CCDC149: variants seen among roughly 807,000 people sequenced by gnomAD.
CCDC149 encodes the protein coiled-coil domain containing 149.
Under a neutral mutation model 59.9 loss-of-function variants are expected in CCDC149, and 45 were observed. The observed-to-expected ratio is 0.75, with a 90% CI of 0.59 to 0.96. CCDC149 has a LOEUF of 0.96. Ranked by LOEUF, CCDC149 falls within the 40% of genes least tolerant of loss-of-function variation. The pLI is 0.00. For missense variants in CCDC149, 584 were observed against 664.7 expected, an observed-to-expected ratio of 0.88 and a Z score of 1.33; for synonymous variants, 245 against 260.6, an observed-to-expected ratio of 0.94 and a Z score of 0.58.
chr4:24,882,424 C>T (rs1428565452), intron 1 of CCDC149, among the ~76,000 whole-genome samples: 1 of 152,170 alleles, frequency 6.6e-6, no homozygotes, highest in East Asian at 1.9e-4. Context: ...TTCTGGGTGC[C>T]TTCTATGTAC....
Position 24,835,016 on chromosome 4 carries a change from C to T in CCDC149, c.752G>A (p.Arg251Gln), listed in dbSNP as rs753945660. ...TTTACCCTGGCCCTTCGAGTTTTTC[C>T]GTCTCTCCAGAGCATTCTAAAACAG... Residue 251 changes from arginine (R) to glutamine (Q), a missense_variant, in exon 8 of 13, where the codon CGG becomes CAG. Arg to Gln is a conservative substitution (Grantham distance 43, BLOSUM62 1). Coordinates refer to ENST00000635206, the MANE Select transcript of CCDC149 (RefSeq NM_001330643.2). The T allele has an allele frequency of 1.1e-5, 17 of 1,613,660 alleles. No individual in the cohort carries two copies. The highest frequency in any genetic ancestry group is 6.7e-5 in the Admixed American group (4 of 59,998).
intron 11 of CCDC149, among the ~76,000 whole-genome samples, chr4:24,820,557 A>G (rs1241836944): frequency 6.6e-6 from 1 of 152,184 alleles, no homozygotes; most frequent in Non-Finnish European, 1.5e-5. Flanking sequence ...AAAATAATGT[A>G]TTGTGTCTTA....
At chr4:24,962,684 G>T (rs1389887013) in intron 1 of CCDC149, among the ~76,000 whole-genome samples, 4 of 151,788 alleles carry the variant, frequency 2.6e-5, no homozygotes, top group Non-Finnish European at 4.4e-5. Context: ...ATTGAATAAT[G>T]AGAACACATG....
At position 24,837,453 on chromosome 4, in the gene CCDC149, A is replaced by G. The variant is rs1181689127; in HGVS notation, c.490-53T>C. 1.3e-6 allele frequency: 2 copies of G among 1,557,876 alleles called. No homozygotes were observed. Among genetic ancestry groups the G allele is most frequent in the Non-Finnish European group, 1.8e-6 (2 of 1,136,466 alleles). On this transcript the variant is annotated intron_variant, in intron 5 of 12. Transcript: ENST00000635206. The surrounding 1 kb of genome is among the most constrained non-coding windows in gnomAD (Gnocchi z 4.3). Reference sequence around the variant, plus strand: ...AAGATGTTCCTCAGGCTCCAGCTTTATGGCCAGAGATGGAGCCTCCCACTT... The same window carrying G: ...AAGATGTTCCTCAGGCTCCAGCTTTGTGGCCAGAGATGGAGCCTCCCACTT...
chr4:24,972,272 G>A lies in CCDC149; in HGVS notation c.-65+7797C>T, dbSNP rs374428126. 2.1e-4 allele frequency among the ~76,000 whole-genome samples: 30 copies of A among 142,890 alleles called. No individual in the cohort carries two copies. The South Asian group carries it at 4.5e-3, about 22-fold the overall frequency. The allele number at this position is 142,890 out of a possible 152,430, so 93.7% of individuals were successfully genotyped here. A position where few individuals can be genotyped will look rare whatever the true frequency, so the allele number is the denominator to read the frequency against. On this transcript the variant is annotated intron_variant, in intron 1 of 12. Coordinates refer to the CCDC149 transcript ENST00000389609. ...GTTTGCTGTGTTGATTGTGGTTGAG[G>A]ACTAAATTCTGACCTTTTTCTTTTC...
At chr4:24,874,830 G>A (rs144839977) in intron 2 of CCDC149, among the ~76,000 whole-genome samples, 16 of 152,212 alleles carry the variant, frequency 1.1e-4, no homozygotes, top group East Asian at 3.9e-4. Context: ...AAAAGAGATC[G>A]CCTCAAAAGC....
At chr4:24,865,697 T>G (rs1216635997) in intron 3 of CCDC149, among the ~76,000 whole-genome samples, 1 of 152,228 alleles carries the variant, frequency 6.6e-6, no homozygotes, top group Non-Finnish European at 1.5e-5. Context: ...GCTATTTAAA[T>G]AAATGTTTGC....
rs565433058 is a variant in CCDC149, at chr4:24,931,608, C to T, written c.-64-36490G>A. The stretch of plus-strand genomic sequence containing the variant: ...AATGAGCCAGCACTTTTATACACAT[C>T]GAATTGGCTAGAACTAGTCACATGA... On this transcript the variant is annotated intron_variant, in intron 1 of 12. Coordinates refer to the CCDC149 transcript ENST00000389609. Among the ~76,000 whole-genome samples the T allele has an allele frequency of 1.5e-4, 23 of 151,262 alleles. 1 individual carries two copies. Among genetic ancestry groups the T allele is most frequent in the Middle Eastern group, 3.4e-3 (1 of 292 alleles).
intron 3 of CCDC149, among the ~76,000 whole-genome samples, chr4:24,863,449 A>G (rs1718505044): frequency 6.6e-6 from 1 of 152,260 alleles, no homozygotes; most frequent in Non-Finnish European, 1.5e-5. Flanking sequence ...GAAAAGGCCA[A>G]TATTTCAGGA....
At chr4:24,885,093 G>A (rs1164604830) in intron 1 of CCDC149, among the ~76,000 whole-genome samples, 2 of 152,202 alleles carry the variant, frequency 1.3e-5, no homozygotes, top group Non-Finnish European at 2.9e-5. Flanking sequence ...TGGCTGTGGT[G>A]GAGGGTGGGA....
At chr4:24,863,241 G>A (rs1312458375) in intron 3 of CCDC149, among the ~76,000 whole-genome samples, 2 of 151,682 alleles carry the variant, frequency 1.3e-5, no homozygotes, top group African/African-American at 2.4e-5. Flanking sequence ...GCAGTGAGCC[G>A]AGATCACACC....
intron 1 of CCDC149, 66 bp from the exon 2 acceptor site, chr4:24,876,763 G>A (rs539617247): frequency 3.6e-5 from 52 of 1,457,336 alleles, no homozygotes; most frequent in South Asian, 3.1e-4. Context: ...AACACACACC[G>A]TACTTCACAC....
At chr4:24,876,098 G>A (rs1375138727) in intron 2 of CCDC149, among the ~76,000 whole-genome samples, 2 of 151,960 alleles carry the variant, frequency 1.3e-5, no homozygotes, top group East Asian at 3.9e-4. Context: ...TGGTGCACTC[G>A]CTAGTCACTT....
At chr4:24,845,329 G>A (rs925969079) in intron 4 of CCDC149, among the ~76,000 whole-genome samples, 2 of 152,178 alleles carry the variant, frequency 1.3e-5, no homozygotes, top group African/African-American at 2.4e-5. Flanking sequence ...CATGCGCAGA[G>A]GGCCTTCCCT....
At chr4:24,885,047 A>T (rs1463024640) in intron 1 of CCDC149, among the ~76,000 whole-genome samples, 1 of 152,150 alleles carries the variant, frequency 6.6e-6, no homozygotes, top group Non-Finnish European at 1.5e-5. Context: ...AGAGGCCAGA[A>T]GATGTGTGTT....
At chr4:24,864,874 T>C (rs557647856) in intron 3 of CCDC149, among the ~76,000 whole-genome samples, 1 of 152,316 alleles carries the variant, frequency 6.6e-6, no homozygotes, top group South Asian at 2.1e-4. Flanking sequence ...CCCATGGATA[T>C]GGAGGCCCAA....
At chr4:24,811,121 G>A (rs1489895089) in intron 12 of CCDC149, among the ~76,000 whole-genome samples, 1 of 152,180 alleles carries the variant, frequency 6.6e-6, no homozygotes, top group Non-Finnish European at 1.5e-5. Flanking sequence ...ACAGCAAGAA[G>A]CAAGGGTGGA....
chr4:24,808,287 A>T lies in CCDC149; in HGVS notation c.*102T>A. ...TGCGTTTTCTCACTTGCAGACTCGG[A>T]GGTATTTCAGGAGAAGGCGACGTGA... On this transcript the variant is annotated 3_prime_UTR_variant, in exon 13 of 13. Transcript: ENST00000635206. 1 of 1,060,034 alleles carries T rather than the reference A, an allele frequency of 9.4e-7. No homozygotes were observed. The highest frequency in any genetic ancestry group is 1.3e-6 in the Non-Finnish European group (1 of 774,776). 65.7% of individuals were successfully genotyped at this position (1,060,034 alleles called of 1,614,324 possible).
intron 1 of CCDC149, among the ~76,000 whole-genome samples, chr4:24,944,318 A>C (rs1723040231): frequency 6.7e-6 from 1 of 150,326 alleles, no homozygotes; most frequent in Non-Finnish European, 1.5e-5. Flanking sequence ...CAAACACCGC[A>C]TGTTCTCACT....
Sources: allele counts gnomAD v4.1 joint callset (sites outside exome capture counted in the v4.1 genomes callset), GRCh38; gene constraint gnomAD v4.1.1; non-coding constraint Gnocchi (gnomAD v3.1); transcripts MANE v1.5; gene names NCBI Gene and HGNC (gene_info 2026-07-23, HGNC 2026-07-21).